Variants in SORL1 observed in about 807,000 individuals in gnomAD.
SORL1 encodes sortilin related receptor 1.
SORL1 carries 127 observed loss-of-function variants against 273.7 expected under a neutral mutation model. That is an observed-to-expected ratio of 0.46 (90% CI 0.40 to 0.54). SORL1 has a LOEUF of 0.54. SORL1 is among the 20% of genes least tolerant of loss of function. SORL1 has a pLI of 0.00. For missense variants in SORL1, 2,494 were observed against 2,846.1 expected (o/e 0.88, Z 2.81); for synonymous variants, 1,031 against 1,067.4 (o/e 0.97, Z 0.66).
At chr11:121,467,385 CT>C (rs1159153799) in intron 1 of SORL1, among the ~76,000 whole-genome samples, 1 of 152,038 alleles carries the variant, frequency 6.6e-6, no homozygotes, top group African/African-American at 2.4e-5. Context: ...ATCTTCAGAC[CT>C]TTTGCCCACT....
chr11:121,624,992 A>G (rs2134953897), intron 45 of SORL1, 93 bp from the exon 46 acceptor site: 2 of 903,580 alleles, frequency 2.2e-6, no homozygotes, highest in Non-Finnish European at 3.4e-6. Context: ...GTAGCAGCCC[A>G]CAGTGAGGAG....
intron 11 of SORL1, among the ~76,000 whole-genome samples, chr11:121,527,854 C>T (rs1862145759): frequency 6.6e-6 from 1 of 151,930 alleles, no homozygotes. Flanking sequence ...TGTGTATTTT[C>T]TCTATTTTTC....
At position 121,503,692 on chromosome 11, in the gene SORL1, C is replaced by G. The variant is rs187874304; in HGVS notation, c.939+6643C>G. 4.6e-5 allele frequency among the ~76,000 whole-genome samples: 7 copies of G among 152,246 alleles called. No individual in the cohort carries two copies. The East Asian group carries it at 1.4e-3, about 29-fold the overall frequency. On this transcript the variant is annotated intron_variant, in intron 6 of 47. Coordinates refer to ENST00000260197, the MANE Select transcript of SORL1 (RefSeq NM_003105.6). The stretch of plus-strand genomic sequence containing the variant: ...ACAGGGTCTCACTATGTTGCCCAGG[C>G]CACTGCACCTGGCCTGTTTCTGGAC...
chr11:121,535,753 G>A (rs1420919036), intron 12 of SORL1, among the ~76,000 whole-genome samples: 1 of 151,388 alleles, frequency 6.6e-6, no homozygotes, highest in African/African-American at 2.4e-5. Context: ...GGAGTTGACT[G>A]TTATTTGTTT....
rs953423937 is a variant in SORL1 at position 121,563,158 on chromosome 11, TG to T, written c.3049+3503del. ...TTGTGTAGGTCACACTTTTAGTAAG[TG>T]GTAAGAATTTGCACTGTGGCCCGTT... On this transcript the variant is annotated intron_variant, in intron 21 of 47. Coordinates refer to ENST00000260197, the MANE Select transcript of SORL1 (RefSeq NM_003105.6). The surrounding 1 kb of genome is among the most constrained non-coding windows in gnomAD (Gnocchi z 4.2). Among the ~76,000 whole-genome samples, 174 of 152,020 alleles carry T rather than the reference TG, an allele frequency of 1.1e-3. No homozygotes were observed. The highest frequency in any genetic ancestry group is 4.1e-3 in the African/African-American group (169 of 41,454).
At chr11:121,613,874 A>G (rs961752231) in intron 40 of SORL1, among the ~76,000 whole-genome samples, 2 of 152,342 alleles carry the variant, frequency 1.3e-5, no homozygotes, top group Admixed American at 6.5e-5. Context: ...TTTGAAATCT[A>G]TTAGGGCTAG....
intron 31 of SORL1, among the ~76,000 whole-genome samples, chr11:121,592,135 T>A (rs1863225152): frequency 2.0e-5 from 3 of 152,214 alleles, no homozygotes; most frequent in Admixed American, 1.3e-4. Flanking sequence ...ATAGACTTGC[T>A]TCTTTCCTGC....
At chr11:121,592,023 A>C (rs1176629786) in intron 31 of SORL1, among the ~76,000 whole-genome samples, 1 of 152,138 alleles carries the variant, frequency 6.6e-6, no homozygotes, top group Non-Finnish European at 1.5e-5. Flanking sequence ...CTAGAAGATC[A>C]ATTTTTGACA....
At chr11:121,504,397 G>C (rs1486525694) in intron 6 of SORL1, among the ~76,000 whole-genome samples, 1 of 152,076 alleles carries the variant, frequency 6.6e-6, no homozygotes, top group Non-Finnish European at 1.5e-5. Context: ...GGGCGACAGA[G>C]CGAGACTCTG....
chr11:121,477,507 T>C (rs1861291670), intron 2 of SORL1, among the ~76,000 whole-genome samples: 1 of 152,240 alleles, frequency 6.6e-6, no homozygotes. Flanking sequence ...GTTATTACTG[T>C]TTCTATCATT....
intron 9 of SORL1, 78 bp from the exon 10 acceptor site, chr11:121,522,508 C>A: frequency 8.9e-7 from 1 of 1,123,184 alleles, no homozygotes; most frequent in Non-Finnish European, 1.3e-6. Context: ...GCACTCCCCT[C>A]ACACAGGCCG....
intron 14 of SORL1, among the ~76,000 whole-genome samples, chr11:121,548,118 G>A (rs1160384251): frequency 1.3e-5 from 2 of 152,202 alleles, no homozygotes; most frequent in Non-Finnish European, 2.9e-5. Context: ...ATATGTACGT[G>A]TAGATACATA....
At position 121,515,978 on chromosome 11, in the gene SORL1, T is replaced by A. The variant is rs188586053; in HGVS notation, c.1211+1657T>A. On this transcript the variant is annotated intron_variant, in intron 8 of 47. Coordinates refer to ENST00000260197, the MANE Select transcript of SORL1 (RefSeq NM_003105.6). ...TTTCCTTCGAAATGAGATGGAAGGT[T>A]TAGACCAGGAGATGGACATGATCTG... is the stretch of plus-strand genomic sequence containing the variant. Among the ~76,000 whole-genome samples, 237 of 152,338 alleles carry A rather than the reference T, an allele frequency of 1.6e-3. 2 individuals carry two copies. Among genetic ancestry groups the A allele is most frequent in the African/African-American group, 5.4e-3 (225 of 41,584 alleles).
At chr11:121,514,040 G>A in intron 7 of SORL1, 112 bp from the exon 8 acceptor site, 1 of 1,240,786 alleles carries the variant, frequency 8.1e-7, no homozygotes, top group South Asian at 1.5e-5. Flanking sequence ...GTGGGCTTTA[G>A]GCCAACATTC....
chr11:121,489,161 C>T (rs1172230182), intron 4 of SORL1, among the ~76,000 whole-genome samples: 1 of 152,114 alleles, frequency 6.6e-6, no homozygotes, highest in Non-Finnish European at 1.5e-5. Flanking sequence ...AGCTGGTGTC[C>T]TCTGCATTCA....
chr11:121,505,259 C>CT (rs924235330), intron 6 of SORL1, among the ~76,000 whole-genome samples: 33 of 151,694 alleles, frequency 2.2e-4, no homozygotes, highest in Admixed American at 1.4e-3. Flanking sequence ...TCACACTAAT[C>CT]TTTTTTTTAT....
chr11:121,540,393 T>C (rs907906597), intron 12 of SORL1, among the ~76,000 whole-genome samples: 16 of 152,014 alleles, frequency 1.1e-4, no homozygotes, highest in Middle Eastern at 3.4e-3. Flanking sequence ...AATGCAAAGA[T>C]GGGCCAGACG....
intron 6 of SORL1, among the ~76,000 whole-genome samples, chr11:121,503,187 G>A (rs1861737989): frequency 6.6e-6 from 1 of 152,000 alleles, no homozygotes; most frequent in Non-Finnish European, 1.5e-5. Flanking sequence ...TAATTTTGAT[G>A]AAGTTCAGTT....
rs143445961 is a variant in SORL1, at chr11:121,498,657, C to G, written c.939+1608C>G. The stretch of plus-strand genomic sequence containing the variant: ...TTGGGAGTCTGAGGTGGGTGGATCA[C>G]TTGAGGTCAGTAGTTTGAGACGAGC... On this transcript the variant is annotated intron_variant, in intron 6 of 47. Transcript: ENST00000260197. Among the ~76,000 whole-genome samples, 27 of 152,238 alleles carry G rather than the reference C, an allele frequency of 1.8e-4. No homozygotes were observed. In the East Asian group the frequency reaches 4.8e-3, roughly 27 times the overall value.
Sources: gnomAD v4.1 joint callset for allele counts (sites outside exome capture counted in the v4.1 genomes callset) on GRCh38, gnomAD v4.1.1 for gene constraint, Gnocchi (gnomAD v3.1) non-coding constraint, MANE v1.5 for transcripts, NCBI Gene and HGNC (gene_info 2026-07-23, HGNC 2026-07-21) for gene names.